Variants in BCKDHB observed in about 807,000 individuals in gnomAD.
BCKDHB encodes 2-oxoisovalerate dehydrogenase subunit beta, mitochondrial.
In BCKDHB, 41 loss-of-function variants were observed where a neutral mutation model predicts 48.5. That is an observed-to-expected ratio of 0.85 (90% CI 0.66 to 1.10). The LOEUF is 1.10. Ranked by LOEUF, BCKDHB falls within the 50% of genes least tolerant of loss-of-function variation. The pLI is 0.00. For missense variants in BCKDHB, 496 were observed against 494.2 expected (o/e 1.00, Z -0.03); for synonymous variants, 201 against 174.8 (o/e 1.15, Z -1.18).
intron 8 of BCKDHB, among the ~76,000 whole-genome samples, chr6:80,215,251 G>C (rs993434411): frequency 1.3e-5 from 2 of 152,324 alleles, no homozygotes; most frequent in Middle Eastern, 3.4e-3. Flanking sequence ...TTGTTTCTCT[G>C]TTCCAAAACA....
intron 1 of BCKDHB, among the ~76,000 whole-genome samples, chr6:80,108,839 A>G (rs1371861927): frequency 1.3e-5 from 2 of 152,200 alleles, no homozygotes; most frequent in Non-Finnish European, 2.9e-5. Context: ...CAGCCTGGTG[A>G]CAGAGCAAGA....
rs953561156 is a variant in BCKDHB at position 80,106,942 on chromosome 6, CGCAGGCGCCCGCGAGGG to C, written c.196+59_196+75del. 5.4e-4 allele frequency: 847 copies of C among 1,559,140 alleles called. 1 individual carries two copies. The highest frequency in any genetic ancestry group is 1.7e-3 in the Admixed American group (88 of 52,766). On this transcript the variant is annotated intron_variant, in intron 1 of 9. Coordinates refer to ENST00000320393, the MANE Select transcript of BCKDHB (RefSeq NM_183050.4). ...CCGCTGCAGCCCGGACTCCCAGGCT[CGCAGGCGCCCGCGAGGG>C]GCAGGGGCCGGCAGGCTGCAATCCT...
the BCKDHB span, among the ~76,000 whole-genome samples, chr6:80,454,413 C>T: frequency 6.6e-6 from 1 of 152,160 alleles, no homozygotes; most frequent in African/African-American, 2.4e-5. Context: ...AGATTGGCCA[C>T]ACACTACTGA....
intron 1 of BCKDHB, among the ~76,000 whole-genome samples, chr6:80,119,865 C>G (rs1461897672): frequency 2.7e-5 from 4 of 149,448 alleles, no homozygotes. Flanking sequence ...CTTTTTTTTC[C>G]TATTTTTTTT....
the BCKDHB span, among the ~76,000 whole-genome samples, chr6:80,368,779 G>A: frequency 6.6e-6 from 1 of 152,096 alleles, no homozygotes; most frequent in Non-Finnish European, 1.5e-5. Context: ...GGGAGGCCGA[G>A]GCGGGCGGAT....
intron 9 of BCKDHB, among the ~76,000 whole-genome samples, chr6:80,342,311 C>T (rs7742132): frequency 0.78 from 117,760 of 151,826 alleles, 46,030 homozygotes; most frequent in Admixed American, 0.84. Flanking sequence ...TGTGTAAACA[C>T]ATGAATAAAT....
In BCKDHB at chr6:80,246,123, AT is replaced by A. The variant is rs1776602209; in HGVS notation, c.952-27011del. 3.3e-5 allele frequency among the ~76,000 whole-genome samples: 5 copies of A among 152,162 alleles called. No homozygotes were observed. In the South Asian group the frequency reaches 1.0e-3, roughly 31 times the overall value. ...TGAGAGAAAGACATTTTAAACCAAT[AT>A]GTTAAGAATCACACTTTAGGATAAC... On this transcript the variant is annotated intron_variant, in intron 8 of 9. Transcript: ENST00000320393.
intron 1 of BCKDHB, among the ~76,000 whole-genome samples, chr6:80,114,210 A>G (rs2127710235): frequency 6.6e-6 from 1 of 151,882 alleles, no homozygotes; most frequent in East Asian, 1.9e-4. Context: ...AAGGAAAGAA[A>G]TGGCAAGCTC....
the BCKDHB span, among the ~76,000 whole-genome samples, chr6:80,454,808 G>A: frequency 1.2e-4 from 19 of 152,162 alleles, no homozygotes; most frequent in African/African-American, 1.4e-4. Flanking sequence ...TGACTTTTAC[G>A]TTCTGCAGTC....
intron 9 of BCKDHB, among the ~76,000 whole-genome samples, chr6:80,297,549 C>G (rs577064234): frequency 6.6e-6 from 1 of 152,234 alleles, no homozygotes; most frequent in South Asian, 2.1e-4. Flanking sequence ...TTAAAGCATG[C>G]CTTTTCCAGG....
At chr6:80,335,247 A>AG (rs1769524285) in intron 9 of BCKDHB, among the ~76,000 whole-genome samples, 5 of 144,876 alleles carry the variant, frequency 3.5e-5, no homozygotes, top group South Asian at 2.1e-4. Flanking sequence ...AAAAAAAAAA[A>AG]GAAGAAAAAT....
intron 3 of BCKDHB, among the ~76,000 whole-genome samples, chr6:80,160,841 G>A (rs942315168): frequency 2.6e-5 from 4 of 152,192 alleles, no homozygotes; most frequent in Admixed American, 1.3e-4. Context: ...GTTATACAAA[G>A]CAGGAGTAGC....
Position 80,189,493 on chromosome 6 carries a change from G to C in BCKDHB, c.743-11441G>C, listed in dbSNP as rs141382985. ...TTAACAATGCCCAAACTGAACACTT[G>C]ACTAGCAGAAAGGGTGTTGAGCTTC... On this transcript the variant is annotated intron_variant, in intron 6 of 9. Coordinates refer to ENST00000320393, the MANE Select transcript of BCKDHB (RefSeq NM_183050.4). Among the ~76,000 whole-genome samples, 17 of 152,260 alleles carry C rather than the reference G, an allele frequency of 1.1e-4. No homozygotes were observed. In the East Asian group the frequency reaches 3.3e-3, roughly 29 times the overall value.
At chr6:80,124,682 T>C (rs1052617978) in intron 1 of BCKDHB, among the ~76,000 whole-genome samples, 2 of 152,174 alleles carry the variant, frequency 1.3e-5, no homozygotes, top group African/African-American at 4.8e-5. Flanking sequence ...ACAACGTTAA[T>C]CTTATACATC....
intron 9 of BCKDHB, chr6:80,307,373 TTC>T: frequency 1.1e-6 from 1 of 946,976 alleles, no homozygotes; most frequent in East Asian, 1.2e-4. Context: ...ATTGTTTATA[TTC>T]TTTTTTCCAT....
chr6:80,386,802 C>G, the BCKDHB span, among the ~76,000 whole-genome samples: 3 of 152,094 alleles, frequency 2.0e-5, no homozygotes, highest in Non-Finnish European at 2.9e-5. Context: ...CAGAAAACTT[C>G]TAGGTTGAAT....
At chr6:80,359,054 A>G in the BCKDHB span, among the ~76,000 whole-genome samples, 11 of 152,140 alleles carry the variant, frequency 7.2e-5, no homozygotes, top group Non-Finnish European at 1.6e-4. Context: ...AAATAGTTCG[A>G]ATCTCTCCCC....
intron 8 of BCKDHB, among the ~76,000 whole-genome samples, chr6:80,256,980 A>G (rs1777077372): frequency 6.6e-6 from 1 of 152,188 alleles, no homozygotes; most frequent in Non-Finnish European, 1.5e-5. Flanking sequence ...TTCCTGATGC[A>G]GTTTTATAGT....
intron 8 of BCKDHB, among the ~76,000 whole-genome samples, chr6:80,222,942 A>G (rs924725621): frequency 6.6e-6 from 1 of 152,298 alleles, no homozygotes; most frequent in Admixed American, 6.5e-5. Flanking sequence ...CTTAGCCCAC[A>G]TTAGATTGGA....
Sources: gnomAD v4.1 joint callset for allele counts (sites outside exome capture counted in the v4.1 genomes callset) on GRCh38, gnomAD v4.1.1 for gene constraint, MANE v1.5 for transcripts, NCBI Gene and HGNC (gene_info 2026-07-23, HGNC 2026-07-21) for gene names.